MOB1A: variants seen among roughly 807,000 people sequenced by gnomAD.
MOB1A encodes MOB1 Mps One Binder homolog A.
A neutral mutation model predicts 25.1 loss-of-function variants in MOB1A; 10 were observed. The ratio of observed to expected loss-of-function variants is 0.40; its 90% confidence interval spans 0.25 to 0.68. The LOEUF is 0.68. MOB1A is among the 30% of genes least tolerant of loss of function. The probability of loss-of-function intolerance (pLI) is 0.40; values close to 1 mark genes in which losing one functional copy is unlikely to be tolerated. For synonymous variants in MOB1A, 81 were observed against 79.5 expected, an observed-to-expected ratio of 1.02 and a Z score of -0.10; for missense variants, 177 against 256.3, an observed-to-expected ratio of 0.69 and a Z score of 2.11.
intron 1 of MOB1A, among the ~76,000 whole-genome samples, chr2:74,175,313 T>C (rs1261078925): frequency 6.6e-6 from 1 of 152,244 alleles, no homozygotes; most frequent in African/African-American, 2.4e-5. Context: ...TTTCATTATA[T>C]ATTCCAATGT....
intron 4 of MOB1A, among the ~76,000 whole-genome samples, chr2:74,163,428 G>A (rs1693032145): frequency 6.6e-6 from 1 of 152,142 alleles, no homozygotes; most frequent in African/African-American, 2.4e-5. Flanking sequence ...CTTGAGCCCT[G>A]GAGTTCGAGA....
rs368728936 is a variant in MOB1A, at chr2:74,178,617, A to G, written c.14+44T>C. The G allele has an allele frequency of 3.4e-4, 458 of 1,361,598 alleles. 5 individuals are homozygous for G. In the African/African-American group the frequency reaches 6.0e-3, roughly 18 times the overall value. The allele number at this position is 1,361,598 out of a possible 1,614,324, so 84.3% of individuals were successfully genotyped here. A position where few individuals can be genotyped will look rare whatever the true frequency, so the allele number is the denominator to read the frequency against. On this transcript the variant is annotated intron_variant, in intron 1 of 5. Coordinates refer to ENST00000396049, the MANE Select transcript of MOB1A (RefSeq NM_018221.5). ...CAGGTCCGGGGAGGCCTCCCCCACA[A>G]CCTCGGCCCGCAGGCCCGGCGCCCG...
At chr2:74,158,436 A>G (rs1342542893) in intron 5 of MOB1A, among the ~76,000 whole-genome samples, 3 of 152,216 alleles carry the variant, frequency 2.0e-5, no homozygotes, top group Non-Finnish European at 2.9e-5. Context: ...AAGTTAGGCT[A>G]AAGGCATACC....
At position 74,156,366 on chromosome 2, in the gene MOB1A, A is replaced by T. The variant is rs2103684310; in HGVS notation, c.*202T>A. The T allele has an allele frequency of 5.2e-6, 3 of 573,532 alleles. No homozygotes were observed. In the South Asian group the frequency reaches 6.4e-5, roughly 12 times the overall value. The allele number at this position is 573,532 out of a possible 1,614,324, so 35.5% of individuals were successfully genotyped here. A position where few individuals can be genotyped will look rare whatever the true frequency, so the allele number is the denominator to read the frequency against. ...AACAAGAGTGGTCACACAGTACTTA[A>T]GATTTGGCTGTGTCCTTAAGGTCTT... On this transcript the variant is annotated 3_prime_UTR_variant, in exon 6 of 6. Transcript: ENST00000396049.
intron 1 of MOB1A, among the ~76,000 whole-genome samples, chr2:74,176,778 A>AG (rs57489244): frequency 6.6e-6 from 1 of 151,608 alleles, no homozygotes; most frequent in East Asian, 1.9e-4. Context: ...AAAAAAAAAA[A>AG]GAAAATTAAC....
intron 1 of MOB1A, chr2:74,173,202 C>CT (rs769234686): frequency 3.1e-5 from 16 of 517,862 alleles, no homozygotes; most frequent in Middle Eastern, 3.2e-4. Flanking sequence ...TACAAGAATG[C>CT]TTTTTTTCCC....
chr2:74,157,199 T>C (rs1352335120), intron 5 of MOB1A, among the ~76,000 whole-genome samples: 1 of 150,874 alleles, frequency 6.6e-6, no homozygotes, highest in South Asian at 2.1e-4. Context: ...GAGTTGATCA[T>C]CAATGGCCAA....
intron 5 of MOB1A, among the ~76,000 whole-genome samples, chr2:74,157,110 G>A (rs1479963835): frequency 6.7e-6 from 1 of 149,754 alleles, no homozygotes; most frequent in Non-Finnish European, 1.5e-5. Context: ...TTCAGGATGG[G>A]AACTGGTCAA....
chr2:74,166,882 T>C (rs904997096), intron 3 of MOB1A, 132 bp downstream of exon 3: 4 of 620,916 alleles, frequency 6.4e-6, no homozygotes, highest in Non-Finnish European at 1.1e-5. Flanking sequence ...AGCTTACAGG[T>C]GAGTAGTCAA....
chr2:74,158,706 G>GTTC (rs1243974104), intron 5 of MOB1A, among the ~76,000 whole-genome samples: 1 of 151,490 alleles, frequency 6.6e-6, no homozygotes, highest in African/African-American at 2.4e-5. Context: ...TTGAACCCAG[G>GTTC]AGGCGGAGGT....
In MOB1A at chr2:74,178,729, T is replaced by TCGGA; in HGVS notation, c.-59_-56dup. The TCGGA allele has an allele frequency of 9.7e-7, 1 of 1,029,108 alleles. No individual in the cohort carries two copies. The highest frequency in any genetic ancestry group is 1.3e-6 in the Non-Finnish European group (1 of 799,934). 63.7% of individuals were successfully genotyped at this position (1,029,108 alleles called of 1,614,324 possible). A position where few individuals can be genotyped will look rare whatever the true frequency, so the allele number is the denominator to read the frequency against. ...CCCTGGCCCCCGCCTGGATCAGGAT[T>TCGGA]CGGAGCTGGCTAGAGGGAGCGGACC... On this transcript the variant is annotated 5_prime_UTR_variant, in exon 1 of 6. Transcript: ENST00000396049.
At chr2:74,173,052 C>T (rs757169248) in intron 1 of MOB1A, 12 of 448,360 alleles carry the variant, frequency 2.7e-5, no homozygotes, top group Non-Finnish European at 4.4e-5. Context: ...AGAAGAATGG[C>T]TTGAACCTGG....
rs1692806008 is a variant in MOB1A, at chr2:74,156,377, T to G, written c.*191A>C. ...TCACACAGTACTTAAGATTTGGCTG[T>G]GTCCTTAAGGTCTTACTCGGAAACT... On this transcript the variant is annotated 3_prime_UTR_variant, in exon 6 of 6. Coordinates refer to ENST00000396049, the MANE Select transcript of MOB1A (RefSeq NM_018221.5). 1.7e-6 allele frequency: 1 copy of G among 586,828 alleles called. No homozygotes were observed. The highest frequency in any genetic ancestry group is 2.1e-5 in the South Asian group (1 of 48,302). The allele number at this position is 586,828 out of a possible 1,614,324, so 36.4% of individuals were successfully genotyped here. A position where few individuals can be genotyped will look rare whatever the true frequency, so the allele number is the denominator to read the frequency against.
At position 74,170,639 on chromosome 2, in the gene MOB1A, G is replaced by A. The variant is rs57335131; in HGVS notation, c.181+1947C>T. Among the ~76,000 whole-genome samples, 901 of 150,222 alleles carry A rather than the reference G, an allele frequency of 6.0e-3. 13 individuals carry two copies. Among genetic ancestry groups the A allele is most frequent in the African/African-American group, 0.021 (846 of 40,778 alleles). ...AGTCCCAGCTACTCAGGAGGCTGAG[G>A]CAGAAGAATCACCTGAACACAGGAG... On this transcript the variant is annotated intron_variant, in intron 2 of 5. Coordinates refer to ENST00000396049, the MANE Select transcript of MOB1A (RefSeq NM_018221.5).
rs1339760672 is a variant in MOB1A at position 74,154,455 on chromosome 2, G to A, written c.*2113C>T. On this transcript the variant is annotated 3_prime_UTR_variant, in exon 6 of 6. Coordinates refer to ENST00000396049, the MANE Select transcript of MOB1A (RefSeq NM_018221.5). ...AGTCTCAAAATACCAACACATCTCT[G>A]ATTTATGTCCCATTTATAAGCTGCC... 6.6e-6 allele frequency: 1 copy of A among 152,136 alleles called. No homozygotes were observed. The highest frequency in any genetic ancestry group is 2.4e-5 in the African/African-American group (1 of 41,418). 9.4% of individuals were successfully genotyped at this position (152,136 alleles called of 1,614,324 possible).
At position 74,178,642 on chromosome 2, in the gene MOB1A, G is replaced by A. The variant is rs1384674455; in HGVS notation, c.14+19C>T. On this transcript the variant is annotated intron_variant, in intron 1 of 5. Coordinates refer to ENST00000396049, the MANE Select transcript of MOB1A (RefSeq NM_018221.5). The stretch of plus-strand genomic sequence containing the variant: ...ACCTCGGCCCGCAGGCCCGGCGCCC[G>A]CGGCCCGACCCCACTCACAAGAGGA... 2 of 1,383,494 alleles carry A rather than the reference G, an allele frequency of 1.4e-6. No homozygotes were observed. The highest frequency in any genetic ancestry group is 1.9e-6 in the Non-Finnish European group (2 of 1,061,798). 85.7% of individuals were successfully genotyped at this position (1,383,494 alleles called of 1,614,324 possible).
intron 2 of MOB1A, among the ~76,000 whole-genome samples, chr2:74,170,448 T>G (rs1290807737): frequency 6.6e-6 from 1 of 152,098 alleles, no homozygotes; most frequent in Non-Finnish European, 1.5e-5. Context: ...TGAATAAAGT[T>G]TTTTAAAAAA....
intron 4 of MOB1A, among the ~76,000 whole-genome samples, chr2:74,160,355 C>T (rs1448611484): frequency 6.6e-6 from 1 of 152,090 alleles, no homozygotes; most frequent in Non-Finnish European, 1.5e-5. Flanking sequence ...CATACATACG[C>T]ACTCTCTCAA....
chr2:74,176,908 A>C (rs1303367355), intron 1 of MOB1A, among the ~76,000 whole-genome samples: 3 of 152,188 alleles, frequency 2.0e-5, no homozygotes, highest in African/African-American at 7.2e-5. Context: ...TTACCACTTA[A>C]GCCAGCAATT....
Sources: gnomAD v4.1 joint callset for allele counts (sites outside exome capture counted in the v4.1 genomes callset) on GRCh38, gnomAD v4.1.1 for gene constraint, MANE v1.5 for transcripts, NCBI Gene and HGNC (gene_info 2026-07-23, HGNC 2026-07-21) for gene names.